RHBDF2: variants seen among roughly 807,000 people sequenced by gnomAD.
RHBDF2 encodes the protein rhomboid 5 homolog 2, also known as inactive rhomboid protein 2.
Under a neutral mutation model 95.2 loss-of-function variants are expected in RHBDF2, and 38 were observed. That is an observed-to-expected ratio of 0.40 (90% CI 0.31 to 0.52). The LOEUF (loss-of-function observed/expected upper bound fraction) is 0.52. Among genes scored for constraint, RHBDF2 ranks in the 20% least tolerant of loss-of-function variants. The pLI, the probability that RHBDF2 is intolerant of heterozygous loss-of-function variation, is 0.56. For synonymous variants in RHBDF2, 442 were observed against 462.0 expected, an observed-to-expected ratio of 0.96 and a Z score of 0.55; for missense variants, 863 against 1,137.7, an observed-to-expected ratio of 0.76 and a Z score of 3.47.
chr17:76,480,823 G>A (rs547510173), intron 3 of RHBDF2, among the ~76,000 whole-genome samples: 16 of 152,278 alleles, frequency 1.1e-4, no homozygotes, highest in African/African-American at 3.4e-4. Flanking sequence ...CAGAGCTCTC[G>A]GGTGAACGGG....
chr17:76,489,881 C>T (rs774709738), intron 1 of RHBDF2, among the ~76,000 whole-genome samples: 16 of 152,300 alleles, frequency 1.1e-4, no homozygotes, highest in East Asian at 3.9e-4. Flanking sequence ...GTAGCTAGGA[C>T]GCCCGATGTC....
intron 1 of RHBDF2, among the ~76,000 whole-genome samples, chr17:76,489,523 C>T (rs568934185): frequency 1.2e-4 from 18 of 152,244 alleles, no homozygotes; most frequent in Admixed American, 3.3e-4. Context: ...CGGGGTTTCA[C>T]CATGTTAGCC....
At chr17:76,472,654 T>A in intron 18 of RHBDF2, 32 bp downstream of exon 18, 1 of 1,613,464 alleles carries the variant, frequency 6.2e-7, no homozygotes, top group Non-Finnish European at 8.5e-7. Context: ...GCCCCCTATG[T>A]GCGGAAGGGG....
In RHBDF2 at chr17:76,471,746, C is replaced by T. The variant is rs777048270; in HGVS notation, c.2371G>A (p.Val791Met). 22 of 1,610,358 alleles carry T rather than the reference C, an allele frequency of 1.4e-5. No individual in the cohort carries two copies. The highest frequency in any genetic ancestry group is 8.4e-5 in the Admixed American group (5 of 59,434). Residue 791 changes from valine to methionine, a missense_variant, in exon 19 of 19, where the codon GTG becomes ATG. Coordinates refer to ENST00000675367, the MANE Select transcript of RHBDF2 (RefSeq NM_001005498.4). ...ATGGGGTAGATGTACAGCCACAGCACGAGGGCGGCGAAGAGGCCGGCAAAG... is the reference window on the plus strand; with the variant it reads ...ATGGGGTAGATGTACAGCCACAGCATGAGGGCGGCGAAGAGGCCGGCAAAG... ...LAFAGLFAAL[V>M]LWLYIYPINW...
intron 1 of RHBDF2, among the ~76,000 whole-genome samples, chr17:76,492,703 C>G (rs2074334394): frequency 6.6e-6 from 1 of 152,228 alleles, no homozygotes; most frequent in South Asian, 2.1e-4. Context: ...AGCTCTGAGT[C>G]TTGCTAATGA....
chr17:76,473,940 G>A (rs761121874), intron 13 of RHBDF2, 38 bp from the exon 14 acceptor site: 2 of 1,611,448 alleles, frequency 1.2e-6, no homozygotes, highest in Non-Finnish European at 1.7e-6. Context: ...GGCACACCCA[G>A]CGTGCCACGT....
chr17:76,491,716 A>G (rs1354189117), intron 1 of RHBDF2, among the ~76,000 whole-genome samples: 1 of 152,166 alleles, frequency 6.6e-6, no homozygotes, highest in Non-Finnish European at 1.5e-5. Flanking sequence ...CATTGAGATC[A>G]ACTGCCTCCA....
At chr17:76,486,530 T>C (rs1487557609) in intron 2 of RHBDF2, among the ~76,000 whole-genome samples, 2 of 151,932 alleles carry the variant, frequency 1.3e-5, no homozygotes, top group African/African-American at 4.8e-5. Flanking sequence ...CTGAGCAACA[T>C]AGTGAGATCC....
At position 76,483,529 on chromosome 17, in the gene RHBDF2, C is replaced by T. The variant is rs546249894; in HGVS notation, c.-21-1984G>A. 1.9e-4 allele frequency among the ~76,000 whole-genome samples: 29 copies of T among 152,332 alleles called. No homozygotes were observed. In the Middle Eastern group the frequency reaches 0.014, roughly 71 times the overall value. ...CGAACTCCTGACCTCAGGTGATCCACCTGCCTCGGCCTCCCAAAGTGCTGG... is the reference window on the plus strand; with the variant it reads ...CGAACTCCTGACCTCAGGTGATCCATCTGCCTCGGCCTCCCAAAGTGCTGG... On this transcript the variant is annotated intron_variant, in intron 2 of 18. Coordinates refer to ENST00000675367, the MANE Select transcript of RHBDF2 (RefSeq NM_001005498.4).
intron 1 of RHBDF2, among the ~76,000 whole-genome samples, chr17:76,493,725 C>T (rs964221607): frequency 6.6e-6 from 1 of 152,172 alleles, no homozygotes; most frequent in Non-Finnish European, 1.5e-5. Flanking sequence ...GGCAAGTGGG[C>T]GCAGACACGA....
chr17:76,499,669 C>A (rs1338169999), intron 1 of RHBDF2, among the ~76,000 whole-genome samples: 1 of 152,162 alleles, frequency 6.6e-6, no homozygotes, highest in African/African-American at 2.4e-5. Flanking sequence ...AAAAGGTGTA[C>A]ATAATTGGAG....
chr17:76,479,648 G>A, intron 4 of RHBDF2, 85 bp downstream of exon 4: 3 of 1,057,562 alleles, frequency 2.8e-6, no homozygotes, highest in Non-Finnish European at 4.2e-6. Context: ...AGGGGACGCA[G>A]GGACCAGGCC....
At chr17:76,483,190 T>A (rs1386201688) in intron 2 of RHBDF2, among the ~76,000 whole-genome samples, 1 of 151,856 alleles carries the variant, frequency 6.6e-6, no homozygotes. Context: ...GCCGGGGTTA[T>A]GGGCGTGAGC....
chr17:76,472,932 G>T, intron 17 of RHBDF2, 73 bp downstream of exon 17: 1 of 1,596,462 alleles, frequency 6.3e-7, no homozygotes, highest in Non-Finnish European at 8.6e-7. Context: ...CCTGGCCCAG[G>T]AACCTTTCCC....
At chr17:76,478,649 C>G (rs2073848203) in intron 6 of RHBDF2, among the ~76,000 whole-genome samples, 157 bp downstream of exon 6, 1 of 152,092 alleles carries the variant, frequency 6.6e-6, no homozygotes, top group Admixed American at 6.6e-5. Flanking sequence ...GCTTCGGGGT[C>G]CCTCTTTGCC....
chr17:76,498,305 A>G (rs1317077944), intron 1 of RHBDF2, among the ~76,000 whole-genome samples: 1 of 152,208 alleles, frequency 6.6e-6, no homozygotes, highest in Admixed American at 6.5e-5. Context: ...TCCGACAGCC[A>G]GCGCTTCCAC....
chr17:76,491,597 C>T (rs1050961753), intron 1 of RHBDF2, among the ~76,000 whole-genome samples: 6 of 152,258 alleles, frequency 3.9e-5, no homozygotes, highest in African/African-American at 1.2e-4. Context: ...ACCCTCTGGC[C>T]TCAGTTCCCT....
In RHBDF2 at chr17:76,471,956, G is replaced by C; in HGVS notation, c.2161C>G (p.Leu721Val). Reference sequence around the variant, plus strand: ...AAGAGCACGATGGCCGAGAGGTTGAGGAAGGCCTTCCAGGGCCTCTCCAGC... The same window carrying C: ...AAGAGCACGATGGCCGAGAGGTTGACGAAGGCCTTCCAGGGCCTCTCCAGC... The part of the protein sequence containing the change: ...PLLERPWKAF[L>V]NLSAIVLFLF... The change falls in exon 19 of 19, where the codon CTC becomes GTC. Residue 721 changes from leucine to valine, a missense_variant. Coordinates refer to ENST00000675367, the MANE Select transcript of RHBDF2 (RefSeq NM_001005498.4). The C allele has an allele frequency of 1.3e-6, 2 of 1,571,610 alleles. No individual in the cohort carries two copies. The highest frequency in any genetic ancestry group is 1.7e-6 in the Non-Finnish European group (2 of 1,158,254).
At chr17:76,492,332 T>C (rs999486660) in intron 1 of RHBDF2, among the ~76,000 whole-genome samples, 1 of 152,138 alleles carries the variant, frequency 6.6e-6, no homozygotes, top group Non-Finnish European at 1.5e-5. Context: ...GGAGACAGCA[T>C]AACCCAGCTG....
Sources: allele counts gnomAD v4.1 joint callset (sites outside exome capture counted in the v4.1 genomes callset), GRCh38; gene constraint gnomAD v4.1.1; transcripts MANE v1.5; gene names NCBI Gene and HGNC (gene_info 2026-07-23, HGNC 2026-07-21).